MBNL2: variants seen among roughly 807,000 people sequenced by gnomAD.
MBNL2 encodes the protein muscleblind like splicing regulator 2, also known as muscleblind-like protein 2.
MBNL2 carries 17 observed loss-of-function variants against 41.9 expected under a neutral mutation model. The ratio of observed to expected loss-of-function variants is 0.41; its 90% CI spans 0.28 to 0.61. The LOEUF (loss-of-function observed/expected upper bound fraction) is 0.61. MBNL2 is among the 20% of genes least tolerant of loss of function. The pLI is 0.35. For synonymous variants in MBNL2, 195 were observed against 182.9 expected (o/e 1.07, Z -0.53); for missense variants, 336 against 505.6 (o/e 0.66, Z 3.22).
At position 97,334,397 on chromosome 13, in the gene MBNL2, A is replaced by G; in HGVS notation, c.296A>G (p.Gln99Arg). The change falls in exon 3 of 9, where the codon CAG becomes CGG. Residue 99 changes from glutamine to arginine, a missense_variant. Gln to Arg is a conservative substitution (Grantham distance 43). Transcript: ENST00000679496. The surrounding 1 kb of genome is among the most constrained non-coding windows in gnomAD (Gnocchi z 5.3). ...QQKTAAAMLA[Q>R]QMQFMFPGTP... ...AAAACTGCAGCAGCAATGCTTGCCC[A>G]GCAGATGCAATTTATGTTTCCAGGA... The G allele has an allele frequency of 2.5e-6, 4 of 1,613,578 alleles. No individual in the cohort carries two copies. The highest frequency in any genetic ancestry group is 3.4e-6 in the Non-Finnish European group (4 of 1,179,684).
intron 1 of MBNL2, among the ~76,000 whole-genome samples, chr13:97,257,176 C>A (rs950518632): frequency 6.8e-6 from 1 of 146,570 alleles, no homozygotes; most frequent in African/African-American, 2.5e-5. Flanking sequence ...TTTTCTTCCT[C>A]ATTTTATCTT....
chr13:97,358,118 T>G (rs1373506375), intron 7 of MBNL2, among the ~76,000 whole-genome samples: 1 of 152,210 alleles, frequency 6.6e-6, no homozygotes, highest in Non-Finnish European at 1.5e-5. Flanking sequence ...TCTCCATCCT[T>G]CTCAACTTTC....
chr13:97,316,559 C>T (rs972858603), intron 2 of MBNL2, among the ~76,000 whole-genome samples: 1 of 152,232 alleles, frequency 6.6e-6, no homozygotes, highest in Admixed American at 6.5e-5. Context: ...GATTCTCCAG[C>T]CTCTTGGCTG....
chr13:97,192,951 C>T, the MBNL2 span, among the ~76,000 whole-genome samples: 1 of 152,164 alleles, frequency 6.6e-6, no homozygotes, highest in Non-Finnish European at 1.5e-5. Context: ...GCTTTAGTCC[C>T]AAGACAATTC....
At chr13:97,231,935 A>T (rs1377999748) in intron 1 of MBNL2, among the ~76,000 whole-genome samples, 1 of 152,190 alleles carries the variant, frequency 6.6e-6, no homozygotes, top group Non-Finnish European at 1.5e-5. Context: ...TTGGTGAATT[A>T]GGTCCAGGAG....
intron 1 of MBNL2, among the ~76,000 whole-genome samples, chr13:97,228,128 A>G (rs2041905665): frequency 6.6e-6 from 1 of 152,184 alleles, no homozygotes; most frequent in Non-Finnish European, 1.5e-5. Flanking sequence ...TTTTACATAC[A>G]TATCTCATAT....
intron 2 of MBNL2, among the ~76,000 whole-genome samples, chr13:97,282,140 C>CT (rs2053555332): frequency 6.6e-6 from 1 of 151,956 alleles, no homozygotes; most frequent in Non-Finnish European, 1.5e-5. Context: ...TTCCTCCAGC[C>CT]TTGGGAGATC....
chr13:97,222,265 G>A (rs1251666060), upstream of MBNL2: 3 of 396,112 alleles, frequency 7.6e-6, no homozygotes, highest in Admixed American at 1.3e-4. Context: ...AGCTGGCTGG[G>A]GATTGGCTGG....
upstream of MBNL2, chr13:97,221,408 A>T (rs936192193): frequency 6.7e-6 from 1 of 150,310 alleles, no homozygotes; most frequent in East Asian, 1.9e-4. Flanking sequence ...AACCCTTCCT[A>T]AACTTTCTCT....
chr13:97,232,334 A>G (rs2152785068), intron 1 of MBNL2, among the ~76,000 whole-genome samples: 1 of 152,334 alleles, frequency 6.6e-6, no homozygotes, highest in East Asian at 1.9e-4. Flanking sequence ...CATTTAGTCC[A>G]CACACAGATG....
At chr13:97,325,833 A>G (rs1161981713) in intron 2 of MBNL2, among the ~76,000 whole-genome samples, 1 of 152,234 alleles carries the variant, frequency 6.6e-6, no homozygotes, top group African/African-American at 2.4e-5. Flanking sequence ...ACTAGTTGTT[A>G]TGCTTTGTTT....
the MBNL2 span, among the ~76,000 whole-genome samples, chr13:97,146,929 TG>T: frequency 6.6e-6 from 1 of 152,160 alleles, no homozygotes; most frequent in African/African-American, 2.4e-5. Flanking sequence ...GTGAATGGCA[TG>T]GGGGGTTCCT....
At chr13:97,307,081 C>A (rs951144507) in intron 2 of MBNL2, among the ~76,000 whole-genome samples, 19 of 152,142 alleles carry the variant, frequency 1.2e-4, no homozygotes, top group Non-Finnish European at 2.5e-4. Context: ...AAATTGAAAA[C>A]TTTTCTGAAG....
the MBNL2 span, among the ~76,000 whole-genome samples, chr13:97,184,938 TAG>T: frequency 1.3e-5 from 2 of 152,306 alleles, no homozygotes; most frequent in African/African-American, 4.8e-5. Context: ...GCTTGAGAAT[TAG>T]AGAAAAGGAC....
the MBNL2 span, among the ~76,000 whole-genome samples, chr13:97,161,444 T>G: frequency 6.6e-6 from 1 of 152,204 alleles, no homozygotes; most frequent in Non-Finnish European, 1.5e-5. Context: ...CCAGAACATG[T>G]TGGAACTTCC....
chr13:97,376,827 A>G (rs2065005346), intron 8 of MBNL2, among the ~76,000 whole-genome samples: 2 of 152,192 alleles, frequency 1.3e-5, no homozygotes, highest in South Asian at 4.1e-4. Flanking sequence ...AAACATAAAA[A>G]AGAAAAATTA....
intron 8 of MBNL2, among the ~76,000 whole-genome samples, chr13:97,368,246 C>A (rs2064026216): frequency 6.6e-6 from 1 of 151,848 alleles, no homozygotes; most frequent in Admixed American, 6.6e-5. Context: ...CTGGTCTCTA[C>A]AAAAATATGA....
At chr13:97,250,839 C>T (rs2046370014) in intron 1 of MBNL2, among the ~76,000 whole-genome samples, 1 of 152,134 alleles carries the variant, frequency 6.6e-6, no homozygotes, top group Non-Finnish European at 1.5e-5. Context: ...AGTGGTACAG[C>T]AGCTTCAAGA....
chr13:97,303,967 G>T (rs1457554438), intron 2 of MBNL2, among the ~76,000 whole-genome samples: 1 of 152,140 alleles, frequency 6.6e-6, no homozygotes, highest in East Asian at 1.9e-4. Flanking sequence ...TTGGTCACTG[G>T]ATATAATTTA....
Sources: gnomAD v4.1 joint callset for allele counts (sites outside exome capture counted in the v4.1 genomes callset) on GRCh38, gnomAD v4.1.1 for gene constraint, Gnocchi (gnomAD v3.1) non-coding constraint, MANE v1.5 for transcripts, NCBI Gene and HGNC (gene_info 2026-07-23, HGNC 2026-07-21) for gene names.